HERC1: variants seen among roughly 807,000 people sequenced by gnomAD.
HERC1 encodes probable E3 ubiquitin-protein ligase HERC1.
In HERC1, 160 loss-of-function variants were observed where a neutral mutation model predicts 554.3. That is an observed-to-expected ratio of 0.29 (90% CI 0.25 to 0.33). HERC1 has a LOEUF of 0.33. HERC1 is among the 10% of genes least tolerant of loss of function. The probability of loss-of-function intolerance (pLI) is 1.00; values close to 1 mark genes in which losing one functional copy is unlikely to be tolerated. For synonymous variants in HERC1, 2,175 were observed against 2,131.7 expected, an observed-to-expected ratio of 1.02 and a Z score of -0.56; for missense variants, 4,919 against 5,918.5, an observed-to-expected ratio of 0.83 and a Z score of 5.54.
In HERC1 at chr15:63,674,345, G is replaced by T; in HGVS notation, c.7843C>A (p.Gln2615Lys). ...AAAAAAAAATCAGATAACATACCTTGCTTAATTTTGCCCCCAAACTGGTCT... is the reference window on the plus strand; with the variant it reads ...AAAAAAAAATCAGATAACATACCTTTCTTAATTTTGCCCCCAAACTGGTCT... ...LEDQFGGKIK[Q>K]EIDQQAEESD... is the part of the protein sequence containing the mutation. The change falls in exon 38 of 78, where the codon CAA (glutamine) becomes AAA (lysine). Residue 2615 changes from glutamine (Q) to lysine (K), a missense_variant. Physicochemically the swap from Gln to Lys is moderately conservative, Grantham distance 53 (BLOSUM62 1). Around this residue, in one of 11 missense-constraint regions of HERC1, gnomAD observed 1,963 missense variants for 2,228.6 expected, o/e 0.88. Coordinates refer to ENST00000443617, the MANE Select transcript of HERC1 (RefSeq NM_003922.4). 1 of 1,587,574 alleles carries T rather than the reference G, an allele frequency of 6.3e-7. No individual in the cohort carries two copies.
chr15:63,609,370 GC>G, intron 77 of HERC1, 104 bp from the exon 78 acceptor site: 2 of 1,022,102 alleles, frequency 2.0e-6, no homozygotes, highest in Non-Finnish European at 1.4e-6. Flanking sequence ...AATTAACATG[GC>G]CACATGGTTA....
intron 24 of HERC1, among the ~76,000 whole-genome samples, chr15:63,711,427 A>G (rs117819852): frequency 0.013 from 2,017 of 152,288 alleles, 23 homozygotes; most frequent in East Asian, 0.023. Context: ...TCACTAGACT[A>G]TAAGACTGGG....
At chr15:63,682,344 C>T (rs930603990) in intron 34 of HERC1, among the ~76,000 whole-genome samples, 4 of 152,130 alleles carry the variant, frequency 2.6e-5, no homozygotes, top group Non-Finnish European at 5.9e-5. Context: ...GTTCTTTCTT[C>T]CAGGAACAAC....
At chr15:63,699,464 T>A (rs1346580719) in intron 25 of HERC1, among the ~76,000 whole-genome samples, 1 of 152,216 alleles carries the variant, frequency 6.6e-6, no homozygotes, top group Non-Finnish European at 1.5e-5. Flanking sequence ...AGTGTCTACA[T>A]ATCTGCAATG....
rs1375935605 is a variant in HERC1 at position 63,692,060 on chromosome 15, A to T, written c.5830+351T>A. On this transcript the variant is annotated intron_variant, in intron 31 of 77. Coordinates refer to ENST00000443617, the MANE Select transcript of HERC1 (RefSeq NM_003922.4). The surrounding 1 kb of genome is among the most constrained non-coding windows in gnomAD (Gnocchi z 4.7). ...ATCACATTATGATAAGAGAGACTGTACAAATTCAGATCTGCATCCTGATAA... is the reference window on the plus strand; with the variant it reads ...ATCACATTATGATAAGAGAGACTGTTCAAATTCAGATCTGCATCCTGATAA... 6.6e-6 allele frequency among the ~76,000 whole-genome samples: 1 copy of T among 152,236 alleles called. No homozygotes were observed. Among genetic ancestry groups the T allele is most frequent in the East Asian group, 1.9e-4 (1 of 5,204 alleles).
intron 55 of HERC1, among the ~76,000 whole-genome samples, chr15:63,646,524 G>A (rs944585579): frequency 1.3e-5 from 2 of 151,646 alleles, no homozygotes; most frequent in Non-Finnish European, 2.9e-5. Flanking sequence ...CAAGAAGGCT[G>A]GGCACCGTGG....
intron 26 of HERC1, 139 bp downstream of exon 26, chr15:63,698,589 T>C (rs2072557284): frequency 5.1e-6 from 4 of 791,290 alleles, no homozygotes; most frequent in South Asian, 1.9e-5. Context: ...GTGAAGAATG[T>C]TATGTTTAAA....
chr15:63,732,393 A>C (rs1356529360), intron 14 of HERC1, among the ~76,000 whole-genome samples: 1 of 152,226 alleles, frequency 6.6e-6, no homozygotes, highest in Non-Finnish European at 1.5e-5. Flanking sequence ...GATGCTGAGA[A>C]GAAACCAGCA....
chr15:63,833,710 C>A (rs1018319381), intron 1 of HERC1, 117 bp downstream of exon 1: 21 of 152,438 alleles, frequency 1.4e-4, no homozygotes, highest in African/African-American at 5.1e-4. Flanking sequence ...CCGAAACGGC[C>A]CCGGCCGGCC....
intron 74 of HERC1, among the ~76,000 whole-genome samples, chr15:63,622,139 T>G (rs911378279): frequency 4.6e-5 from 7 of 152,206 alleles, no homozygotes; most frequent in Non-Finnish European, 1.0e-4. Context: ...ATACTAAATT[T>G]TGTGACTTGC....
At chr15:63,695,531 C>G (rs1344026327) in intron 27 of HERC1, among the ~76,000 whole-genome samples, 1 of 151,758 alleles carries the variant, frequency 6.6e-6, no homozygotes, top group African/African-American at 2.4e-5. Context: ...GGATTACAGG[C>G]GCCCACCACC....
chr15:63,673,687 A>C (rs8037694), intron 38 of HERC1, among the ~76,000 whole-genome samples: 26,748 of 152,146 alleles, frequency 0.18, 2,584 homozygotes, highest in Middle Eastern at 0.22. Flanking sequence ...TTTAAAATTT[A>C]TTTTAAAATA....
intron 77 of HERC1, among the ~76,000 whole-genome samples, chr15:63,611,968 T>C (rs2067618771): frequency 6.6e-6 from 1 of 152,216 alleles, no homozygotes; most frequent in Non-Finnish European, 1.5e-5. Flanking sequence ...CCAGATCACC[T>C]GAGGTCAGTA....
chr15:63,792,237 T>C (rs2076674689), intron 1 of HERC1, among the ~76,000 whole-genome samples: 2 of 152,276 alleles, frequency 1.3e-5, no homozygotes, highest in South Asian at 4.1e-4. Flanking sequence ...CAAGAACACA[T>C]ACCCTCTTCT....
intron 25 of HERC1, among the ~76,000 whole-genome samples, chr15:63,700,069 A>C: frequency 6.6e-6 from 1 of 152,078 alleles, no homozygotes; most frequent in South Asian, 2.1e-4. Flanking sequence ...CTTGCTACCT[A>C]AAGTTTTATT....
At chr15:63,793,629 C>T (rs140866149) in intron 1 of HERC1, among the ~76,000 whole-genome samples, 94 of 152,300 alleles carry the variant, frequency 6.2e-4, no homozygotes, top group African/African-American at 2.1e-3. Flanking sequence ...ATGGAGCAGA[C>T]ATTCTTTATT....
intron 34 of HERC1, among the ~76,000 whole-genome samples, chr15:63,685,505 T>C (rs138495818): frequency 0.012 from 1,800 of 152,352 alleles, 19 homozygotes; most frequent in Middle Eastern, 0.02. Context: ...CAGTGCTAAA[T>C]TGATGACTAA....
At position 63,612,619 on chromosome 15, in the gene HERC1, C is replaced by A; in HGVS notation, c.14095-63G>T. 6.5e-7 allele frequency: 1 copy of A among 1,531,568 alleles called. No individual in the cohort carries two copies. Among genetic ancestry groups the A allele is most frequent in the South Asian group, 1.2e-5 (1 of 81,110 alleles). The allele number at this position is 1,531,568 out of a possible 1,614,324, so 94.9% of individuals were successfully genotyped here. ...GTGAACCTGGCACCCACCAAGGGCC[C>A]TGTGGGGCTAGGCGCCTCCTGATGC... On this transcript the variant is annotated intron_variant, in intron 76 of 77. Coordinates refer to ENST00000443617, the MANE Select transcript of HERC1 (RefSeq NM_003922.4). This position sits in a 1 kb window ranked among gnomAD's most constrained non-coding sequence, Gnocchi z 5.0.
chr15:63,745,645 G>T (rs1596137039), intron 12 of HERC1, among the ~76,000 whole-genome samples: 1 of 152,206 alleles, frequency 6.6e-6, no homozygotes, highest in Non-Finnish European at 1.5e-5. Flanking sequence ...GAGTGGCACT[G>T]CCTATTCAGG....
Sources: gnomAD v4.1 joint callset for allele counts (sites outside exome capture counted in the v4.1 genomes callset) on GRCh38, gnomAD v4.1.1 for gene constraint, gnomAD v4.1.1 regional missense constraint, Gnocchi (gnomAD v3.1) non-coding constraint, MANE v1.5 for transcripts, NCBI Gene and HGNC (gene_info 2026-07-23, HGNC 2026-07-21) for gene names.